Variants in CFAP77 observed in about 807,000 individuals in gnomAD.
CFAP77 encodes cilia- and flagella-associated protein 77.
In CFAP77, 25 loss-of-function variants were observed where a neutral mutation model predicts 31.1. That is an observed-to-expected ratio of 0.80 (90% CI 0.59 to 1.12). The LOEUF (loss-of-function observed/expected upper bound fraction) is 1.12. Among genes scored for constraint, CFAP77 ranks in the 50% most tolerant of loss-of-function variants. CFAP77 has a pLI of 0.00. For missense variants in CFAP77, 377 were observed against 397.3 expected, an observed-to-expected ratio of 0.95 and a Z score of 0.44; for synonymous variants, 151 against 159.9, an observed-to-expected ratio of 0.94 and a Z score of 0.42.
intron 1 of CFAP77, among the ~76,000 whole-genome samples, chr9:132,440,652 A>G (rs750036856): frequency 1.1e-4 from 17 of 152,188 alleles, no homozygotes; most frequent in Non-Finnish European, 2.5e-4. Flanking sequence ...GACAATTATG[A>G]TTAACATCTA....
chr9:132,519,240 A>G (rs193293956), intron 3 of CFAP77, among the ~76,000 whole-genome samples: 26 of 105,762 alleles, frequency 2.5e-4, no homozygotes, highest in Admixed American at 1.3e-3. Context: ...GGTTGGGTGG[A>G]TGGATGGATA....
intron 1 of CFAP77, among the ~76,000 whole-genome samples, chr9:132,488,422 G>A (rs1343599284): frequency 6.6e-6 from 1 of 152,128 alleles, no homozygotes; most frequent in African/African-American, 2.4e-5. Context: ...GATATCTCGT[G>A]CAAAATCCAC....
intron 1 of CFAP77, among the ~76,000 whole-genome samples, chr9:132,420,159 CA>C (rs11302054): frequency 0.91 from 122,773 of 135,148 alleles, 56,073 homozygotes; most frequent in Non-Finnish European, 0.96. Flanking sequence ...AGACCTTGAC[CA>C]AAAAAAAAAA....
chr9:132,518,264 C>T (rs1852184673), intron 3 of CFAP77, among the ~76,000 whole-genome samples: 1 of 152,126 alleles, frequency 6.6e-6, no homozygotes, highest in Non-Finnish European at 1.5e-5. Context: ...GTAGGGGAAA[C>T]ACTCACTCAG....
intron 5 of CFAP77, among the ~76,000 whole-genome samples, chr9:132,548,781 A>G (rs1224208862): frequency 6.7e-6 from 1 of 149,546 alleles, no homozygotes; most frequent in Admixed American, 6.8e-5. Context: ...CCAACATTAC[A>G]TAGTCGTTCA....
In CFAP77 at chr9:132,511,513, G is replaced by A. The variant is rs1174967283; in HGVS notation, c.524+11913G>A. 6.6e-6 allele frequency among the ~76,000 whole-genome samples: 1 copy of A among 152,220 alleles called. No homozygotes were observed. The highest frequency in any genetic ancestry group is 1.9e-4 in the East Asian group (1 of 5,196). ...TGCCAAGCATGTGCCTGCCTGGAAT[G>A]TTGTAGGTGCTCAGTAAACGCTTGT... On this transcript the variant is annotated intron_variant, in intron 3 of 5. Transcript: ENST00000393216. This position sits in a 1 kb window ranked among gnomAD's most constrained non-coding sequence, Gnocchi z 5.8.
chr9:132,505,460 C>T (rs1851916470), intron 3 of CFAP77, among the ~76,000 whole-genome samples: 1 of 151,818 alleles, frequency 6.6e-6, no homozygotes, highest in African/African-American at 2.4e-5. Flanking sequence ...GAAGTGGAGA[C>T]CTGAGGAGTT....
chr9:132,556,336 G>A (rs990440355), intron 5 of CFAP77, among the ~76,000 whole-genome samples: 5 of 152,246 alleles, frequency 3.3e-5, no homozygotes, highest in Non-Finnish European at 7.3e-5. Flanking sequence ...CTAAGCGGGG[G>A]TGGGCAGGTT....
chr9:132,413,463 G>A (rs1162751177), intron 1 of CFAP77, among the ~76,000 whole-genome samples: 9 of 152,208 alleles, frequency 5.9e-5, no homozygotes, highest in Admixed American at 5.9e-4. Flanking sequence ...TTCAACTCTA[G>A]TATAGACAGT....
chr9:132,431,223 G>A (rs1480377513), intron 1 of CFAP77, among the ~76,000 whole-genome samples: 1 of 152,250 alleles, frequency 6.6e-6, no homozygotes, highest in East Asian at 1.9e-4. Context: ...CACTGCAGAA[G>A]AGGCAAAGTT....
intron 1 of CFAP77, among the ~76,000 whole-genome samples, chr9:132,421,893 G>T (rs1046057867): frequency 5.3e-5 from 8 of 152,208 alleles, no homozygotes; most frequent in Admixed American, 4.6e-4. Context: ...CACCTGAATG[G>T]CTTCTCTCCC....
intron 5 of CFAP77, among the ~76,000 whole-genome samples, chr9:132,569,577 A>C (rs1364845972): frequency 1.3e-5 from 2 of 152,056 alleles, no homozygotes; most frequent in Non-Finnish European, 2.9e-5. Context: ...ACCATTGGTG[A>C]CTGGCCACCA....
rs541651145 is a variant in CFAP77, at chr9:132,554,040, C to G, written c.732+10993C>G. Among the ~76,000 whole-genome samples the G allele has an allele frequency of 1.6e-3, 247 of 152,254 alleles. 2 individuals carry two copies. Among genetic ancestry groups the G allele is most frequent in the African/African-American group, 5.8e-3 (243 of 41,540 alleles). ...ACCATTCCAGGGGCTTGGCAATGAC[C>G]CCACGGGATGGGTAGTATGACCCTT... On this transcript the variant is annotated intron_variant, in intron 5 of 5. Coordinates refer to ENST00000393216, the MANE Select transcript of CFAP77 (RefSeq NM_001282957.2). The surrounding 1 kb of genome is among the most constrained non-coding windows in gnomAD (Gnocchi z 4.1).
chr9:132,547,002 G>T (rs1852743679), intron 5 of CFAP77, among the ~76,000 whole-genome samples: 2 of 152,254 alleles, frequency 1.3e-5, no homozygotes, highest in Admixed American at 6.5e-5. Context: ...GAGCCAGCAG[G>T]GGGAGCAGCT....
In CFAP77 at chr9:132,472,235, G is replaced by A. The variant is rs180830515; in HGVS notation, c.196-26460G>A. Reference sequence around the variant, plus strand: ...AGTCTCTGGCACACATCTGACACTGGATATCATCTGTCAAATATGTGTTGA... The same window carrying A: ...AGTCTCTGGCACACATCTGACACTGAATATCATCTGTCAAATATGTGTTGA... On this transcript the variant is annotated intron_variant, in intron 1 of 5. Transcript: ENST00000393216. 4.8e-3 allele frequency among the ~76,000 whole-genome samples: 733 copies of A among 152,326 alleles called. 8 individuals carry two copies. Among genetic ancestry groups the A allele is most frequent in the African/African-American group, 0.016 (684 of 41,568 alleles).
At position 132,542,712 on chromosome 9, in the gene CFAP77, C is replaced by T. The variant is rs183614872; in HGVS notation, c.631-234C>T. ...ACATGTTCCAGAGACTGGAATGCTC[C>T]GGGTGTCCTGGGGTCCCACCCCCCC... On this transcript the variant is annotated intron_variant, in intron 4 of 5. Coordinates refer to ENST00000393216, the MANE Select transcript of CFAP77 (RefSeq NM_001282957.2). Among the ~76,000 whole-genome samples, 404 of 152,292 alleles carry T rather than the reference C, an allele frequency of 2.7e-3. 5 individuals are homozygous for T. Among genetic ancestry groups the T allele is most frequent in the African/African-American group, 9.4e-3 (391 of 41,558 alleles).
At chr9:132,429,611 A>G (rs1334179188) in intron 1 of CFAP77, among the ~76,000 whole-genome samples, 13 of 150,494 alleles carry the variant, frequency 8.6e-5, no homozygotes, top group South Asian at 4.2e-4. Context: ...TTGGGAGGCC[A>G]AGGCGGGTGG....
At chr9:132,462,762 G>GTC (rs1851074600) in intron 1 of CFAP77, among the ~76,000 whole-genome samples, 1 of 152,132 alleles carries the variant, frequency 6.6e-6, no homozygotes, top group African/African-American at 2.4e-5. Context: ...GTTGCAGTGA[G>GTC]CCGAGGTCGT....
chr9:132,466,932 C>T (rs751746664), intron 1 of CFAP77, among the ~76,000 whole-genome samples: 2 of 152,158 alleles, frequency 1.3e-5, no homozygotes, highest in African/African-American at 4.8e-5. Context: ...AATCCCAGCA[C>T]TTTGGGAGGC....
Sources: allele counts gnomAD v4.1 joint callset (sites outside exome capture counted in the v4.1 genomes callset), GRCh38; gene constraint gnomAD v4.1.1; non-coding constraint Gnocchi (gnomAD v3.1); transcripts MANE v1.5; gene names NCBI Gene and HGNC (gene_info 2026-07-23, HGNC 2026-07-21).